Variants in WDR47 observed in about 807,000 individuals in gnomAD.
WDR47 encodes WD repeat-containing protein 47.
Under a neutral mutation model 97.2 loss-of-function variants are expected in WDR47, and 32 were observed. That is an observed-to-expected ratio of 0.33 (90% confidence interval 0.25 to 0.44). The LOEUF is 0.44. WDR47 is among the 20% of genes least tolerant of loss of function. WDR47 has a pLI of 1.00. For missense variants in WDR47, 782 were observed against 1,102.3 expected, an observed-to-expected ratio of 0.71 and a Z score of 4.11; for synonymous variants, 375 against 373.5, an observed-to-expected ratio of 1.00 and a Z score of -0.05.
chr1:108,983,556 C>G (rs770007087), intron 10 of WDR47, 105 bp from the exon 11 acceptor site: 46 of 927,310 alleles, frequency 5.0e-5, no homozygotes, highest in Admixed American at 1.1e-4. Context: ...AAAAGCGTGT[C>G]AGACAACAGC....
intron 6 of WDR47, 53 bp downstream of exon 6, chr1:109,004,539 T>G: frequency 6.5e-7 from 1 of 1,527,934 alleles, no homozygotes; most frequent in Non-Finnish European, 8.8e-7. Flanking sequence ...TAAATTCTAT[T>G]ACTTCTTACA....
intron 8 of WDR47, among the ~76,000 whole-genome samples, chr1:108,994,176 T>G (rs1659585092): frequency 6.6e-6 from 1 of 152,022 alleles, no homozygotes; most frequent in African/African-American, 2.4e-5. Context: ...GGTGAGCGAA[T>G]CATGAGGTCA....
Position 108,983,146 on chromosome 1 carries a change from A to T in WDR47, c.2095+136T>A, listed in dbSNP as rs1658478267. On this transcript the variant is annotated intron_variant, in intron 11 of 14. Coordinates refer to ENST00000369962, the MANE Select transcript of WDR47 (RefSeq NM_001142551.2). ...TAATACCTCATGAATGTAACTAAAC[A>T]ATTAGAATTATTGAAAAAATTATTC... is the stretch of plus-strand genomic sequence containing the variant. 4.2e-6 allele frequency: 4 copies of T among 956,444 alleles called. No homozygotes were observed. The African/African-American group carries it at 5.1e-5, about 12-fold the overall frequency. The allele number at this position is 956,444 out of a possible 1,614,324, so 59.2% of individuals were successfully genotyped here.
In WDR47 at chr1:109,002,308, T is replaced by C; in HGVS notation, c.1349A>G (p.Tyr450Cys). The C allele has an allele frequency of 6.2e-7, 1 of 1,613,350 alleles. No individual in the cohort carries two copies. Among genetic ancestry groups the C allele is most frequent in the Non-Finnish European group, 8.5e-7 (1 of 1,179,940 alleles). ...GCCTCCTTCAAGCAACATCTGTTGG[T>C]ATATCTGCCGCTGTTGCTCCTTCTG... ...LEQKEQQRQI[Y>C]QQMLLEGGVN... Residue 450 changes from tyrosine to cysteine, a missense_variant, in exon 7 of 15, where the codon TAC (tyrosine) becomes TGC (cysteine). Tyr to Cys is a radical substitution (Grantham distance 194). This residue lies in a region of WDR47 where 428 missense variants were observed against 584.3 expected (regional missense o/e 0.73). Transcript: ENST00000369962.
Position 109,011,211 on chromosome 1 carries a change from C to A in WDR47, c.835G>T (p.Ala279Ser). 1 of 1,614,112 alleles carries A rather than the reference C, an allele frequency of 6.2e-7. No homozygotes were observed. The highest frequency in any genetic ancestry group is 8.5e-7 in the Non-Finnish European group (1 of 1,180,030). The change falls in exon 5 of 15, where the codon GCA (alanine) becomes TCA (serine). Residue 279 changes from alanine (A) to serine (S), a missense_variant. This residue lies in a region of WDR47 where 428 missense variants were observed against 584.3 expected (regional missense o/e 0.73). Coordinates refer to ENST00000369962, the MANE Select transcript of WDR47 (RefSeq NM_001142551.2). ...VDKLLKPTKA[A>S]YADLLTPLIS... ...AGAGGAGTCAAAAGATCAGCATATG[C>A]AGCTTTTGTAGGTTTCAGAAGTTTG... is the stretch of plus-strand genomic sequence containing the variant.
Position 108,981,814 on chromosome 1 carries a change from A to G in WDR47, c.2317T>C (p.Ser773Pro). Residue 773 changes from serine to proline, a missense_variant, in exon 13 of 15, where the codon TCC becomes CCC. Around this residue, in one of 3 missense-constraint regions of WDR47, gnomAD observed 228 missense variants for 396.7 expected, o/e 0.57. Transcript: ENST00000369962. The part of the protein sequence containing the change: ...TWSGWMIASG[S>P]QDKTVRFWDL... The stretch of plus-strand genomic sequence containing the variant: ...CAAAATCTAACAGTCTTATCTTGGG[A>G]ACCAGATGCAATCATCCAGCCACTC... The G allele has an allele frequency of 6.2e-7, 1 of 1,614,016 alleles. No individual in the cohort carries two copies. Among genetic ancestry groups the G allele is most frequent in the Non-Finnish European group, 8.5e-7 (1 of 1,179,914 alleles).
intron 4 of WDR47, 53 bp from the exon 5 acceptor site, chr1:109,011,771 A>C: frequency 1.3e-6 from 2 of 1,488,968 alleles, no homozygotes; most frequent in South Asian, 2.7e-5. Flanking sequence ...CATGCTATGA[A>C]ATATGAAAAC....
intron 7 of WDR47, among the ~76,000 whole-genome samples, chr1:109,001,455 T>A (rs1186310703): frequency 6.6e-6 from 1 of 152,160 alleles, no homozygotes; most frequent in East Asian, 1.9e-4. Flanking sequence ...AAAAAATCTG[T>A]AGGTTTAAGC....
intron 6 of WDR47, 33 bp downstream of exon 6, chr1:109,004,559 A>T: frequency 6.3e-7 from 1 of 1,587,048 alleles, no homozygotes; most frequent in Non-Finnish European, 8.5e-7. Context: ...AAAGAGAATA[A>T]CTCTGAAAAA....
Position 109,011,880 on chromosome 1 carries a change from CTAAAA to C in WDR47, c.328-167_328-163del, listed in dbSNP as rs1253586879. On this transcript the variant is annotated intron_variant, in intron 4 of 14. Coordinates refer to ENST00000369962, the MANE Select transcript of WDR47 (RefSeq NM_001142551.2). ...AGATAGGAACATAATGTTTTCACAA[CTAAAA>C]TAAAAATAATAAACTTGGTTTATTA... 3.9e-5 allele frequency among the ~76,000 whole-genome samples: 6 copies of C among 152,206 alleles called. No homozygotes were observed. In the East Asian group the frequency reaches 1.2e-3, roughly 29 times the overall value.
In WDR47 at chr1:108,995,568, T is replaced by C; in HGVS notation, c.1691+12A>G. On this transcript the variant is annotated intron_variant, in intron 8 of 14. Transcript: ENST00000369962. ...GTTAATATTTCCAAGTTTTACAAAG[T>C]CAAGCACTTACATTTGGCTTCCACA... 1 of 1,613,374 alleles carries C rather than the reference T, an allele frequency of 6.2e-7. No homozygotes were observed. Among genetic ancestry groups the C allele is most frequent in the Non-Finnish European group, 8.5e-7 (1 of 1,179,378 alleles).
At chr1:109,018,288 A>G (rs908412727) in intron 2 of WDR47, among the ~76,000 whole-genome samples, 1 of 151,754 alleles carries the variant, frequency 6.6e-6, no homozygotes, top group Admixed American at 6.6e-5. Context: ...GTCTCTACTA[A>G]AAGTACGAAA....
At chr1:109,035,423 G>A (rs1662876652) in intron 1 of WDR47, among the ~76,000 whole-genome samples, 1 of 151,922 alleles carries the variant, frequency 6.6e-6, no homozygotes, top group South Asian at 2.1e-4. Flanking sequence ...TTTATCTGAA[G>A]AGTTAACAAC....
intron 3 of WDR47, among the ~76,000 whole-genome samples, chr1:109,015,373 G>C (rs867359450): frequency 3.3e-5 from 5 of 152,224 alleles, no homozygotes; most frequent in Middle Eastern, 3.4e-3. Flanking sequence ...GCCCAGGCTG[G>C]AGTGCAGTGG....
intron 2 of WDR47, among the ~76,000 whole-genome samples, chr1:109,020,353 T>G (rs1661744165): frequency 6.6e-6 from 1 of 151,570 alleles, no homozygotes; most frequent in Non-Finnish European, 1.5e-5. Flanking sequence ...CTCTGCCTCC[T>G]GGGTTCACAC....
intron 2 of WDR47, among the ~76,000 whole-genome samples, chr1:109,019,338 A>G (rs34690839): frequency 0.11 from 15,610 of 146,794 alleles, 938 homozygotes; most frequent in African/African-American, 0.15. Flanking sequence ...AGCCGAAGTC[A>G]CGCCACTGCA....
intron 1 of WDR47, among the ~76,000 whole-genome samples, chr1:109,033,086 G>A (rs1662710824): frequency 6.6e-6 from 1 of 151,880 alleles, no homozygotes; most frequent in Non-Finnish European, 1.5e-5. Context: ...ATGAGGTCAG[G>A]AGTTCAAGAC....
At chr1:109,037,397 G>A (rs1663034235) in intron 1 of WDR47, among the ~76,000 whole-genome samples, 1 of 151,082 alleles carries the variant, frequency 6.6e-6, no homozygotes, top group African/African-American at 2.4e-5. Flanking sequence ...CCAGCACTTT[G>A]GGAGGCCGAG....
intron 13 of WDR47, among the ~76,000 whole-genome samples, chr1:108,977,590 G>A (rs761299302): frequency 3.3e-5 from 5 of 152,116 alleles, no homozygotes; most frequent in South Asian, 2.1e-4. Context: ...GGTGGCTCAC[G>A]CCTATAATCC....
Sources: allele counts gnomAD v4.1 joint callset (sites outside exome capture counted in the v4.1 genomes callset), GRCh38; gene constraint gnomAD v4.1.1; regional missense constraint gnomAD v4.1.1; transcripts MANE v1.5; gene names NCBI Gene and HGNC (gene_info 2026-07-23, HGNC 2026-07-21).